Variants in GADL1 observed in about 807,000 individuals in gnomAD.
GADL1 encodes acidic amino acid decarboxylase GADL1.
Under a neutral mutation model 69.5 loss-of-function variants are expected in GADL1, and 71 were observed. The observed-to-expected ratio is 1.02, with a 90% CI of 0.84 to 1.25. The LOEUF (loss-of-function observed/expected upper bound fraction) is 1.25, where lower values mean the gene tolerates loss of function less well. Ranked by LOEUF, GADL1 falls within the 50% of genes most tolerant of loss-of-function variation. The pLI is 0.00. For missense variants in GADL1, 737 were observed against 631.8 expected (o/e 1.17, Z -1.79); for synonymous variants, 254 against 214.4 (o/e 1.18, Z -1.62).
At chr3:30,878,183 A>C (rs4290836) in intron 1 of GADL1, among the ~76,000 whole-genome samples, 26,792 of 151,886 alleles carry the variant, frequency 0.18, 3,055 homozygotes, top group East Asian at 0.46. Context: ...TCTCAGTTAA[A>C]TAATGCTCTA....
chr3:30,825,668 G>T (rs562078807), intron 11 of GADL1, among the ~76,000 whole-genome samples: 23 of 13,758 alleles, frequency 1.7e-3, no homozygotes, highest in Non-Finnish European at 1.6e-3. Flanking sequence ...AACTTGCACA[G>T]GAACAGAAAA....
chr3:30,863,291 A>G (rs1028282981), intron 1 of GADL1, among the ~76,000 whole-genome samples: 4 of 152,022 alleles, frequency 2.6e-5, no homozygotes, highest in Admixed American at 2.6e-4. Flanking sequence ...TAGAGGAAAG[A>G]AAGCAGCACA....
At chr3:30,845,834 A>C (rs535605176) in intron 6 of GADL1, among the ~76,000 whole-genome samples, 1 of 152,286 alleles carries the variant, frequency 6.6e-6, no homozygotes, top group Non-Finnish European at 1.5e-5. Flanking sequence ...GAGCTCTGGC[A>C]ACCAAACAGC....
At chr3:30,878,109 C>T (rs1698601105) in intron 1 of GADL1, among the ~76,000 whole-genome samples, 1 of 151,894 alleles carries the variant, frequency 6.6e-6, no homozygotes, top group Non-Finnish European at 1.5e-5. Flanking sequence ...AGTTTTAGCC[C>T]TGACTCTGGC....
At chr3:30,803,029 C>G (rs943239072) in intron 11 of GADL1, among the ~76,000 whole-genome samples, 4 of 152,146 alleles carry the variant, frequency 2.6e-5, no homozygotes, top group South Asian at 4.1e-4. Context: ...GAGGTCGAAG[C>G]TGCAGTGAGC....
At position 30,800,747 on chromosome 3, in the gene GADL1, T is replaced by A. The variant is rs907368873; in HGVS notation, c.1250+142A>T. Reference sequence around the variant, plus strand: ...GAAATAATGCACAAATGAAAACATGTACTTGCAACACATTTCAAGTATTAC... The same window carrying A: ...GAAATAATGCACAAATGAAAACATGAACTTGCAACACATTTCAAGTATTAC... On this transcript the variant is annotated intron_variant, in intron 12 of 14. Coordinates refer to ENST00000282538, the MANE Select transcript of GADL1 (RefSeq NM_207359.3). The A allele has an allele frequency of 1.6e-5, 11 of 679,552 alleles. No individual in the cohort carries two copies. The East Asian group carries it at 3.0e-4, about 18-fold the overall frequency. 42.1% of individuals were successfully genotyped at this position (679,552 alleles called of 1,614,324 possible). A position where few individuals can be genotyped will look rare whatever the true frequency, so the allele number is the denominator to read the frequency against.
intron 14 of GADL1, among the ~76,000 whole-genome samples, chr3:30,765,470 TTTC>T (rs1696254133): frequency 8.2e-6 from 1 of 122,480 alleles, no homozygotes; most frequent in African/African-American, 3.0e-5. Context: ...AATAAATTAT[TTTC>T]TATGCATCTA....
At chr3:30,759,911 T>C (rs1696087919) in intron 14 of GADL1, among the ~76,000 whole-genome samples, 1 of 152,130 alleles carries the variant, frequency 6.6e-6, no homozygotes, top group Non-Finnish European at 1.5e-5. Context: ...TTGTGCTCTA[T>C]GCCTCTGTCA....
intron 11 of GADL1, among the ~76,000 whole-genome samples, chr3:30,815,875 T>C (rs1697458688): frequency 6.6e-6 from 1 of 152,186 alleles, no homozygotes; most frequent in South Asian, 2.1e-4. Context: ...GTTAAAAGCA[T>C]GGATTGCGGA....
intron 1 of GADL1, among the ~76,000 whole-genome samples, chr3:30,873,136 T>G (rs1195205062): frequency 6.6e-6 from 1 of 151,966 alleles, no homozygotes; most frequent in Non-Finnish European, 1.5e-5. Context: ...CCTGAGTAAT[T>G]CTATCTTCTC....
At chr3:30,793,703 T>C (rs1696970146) in intron 12 of GADL1, among the ~76,000 whole-genome samples, 1 of 152,168 alleles carries the variant, frequency 6.6e-6, no homozygotes, top group Admixed American at 6.6e-5. Context: ...TCTGATTGGG[T>C]TATATAAATC....
intron 13 of GADL1, among the ~76,000 whole-genome samples, chr3:30,784,349 C>CT (rs1305396453): frequency 6.6e-6 from 1 of 152,068 alleles, no homozygotes; most frequent in Non-Finnish European, 1.5e-5. Flanking sequence ...ATTATCACTA[C>CT]TCCCTCTGTT....
intron 14 of GADL1, among the ~76,000 whole-genome samples, chr3:30,771,788 C>T (rs898421927): frequency 1.3e-5 from 2 of 152,132 alleles, no homozygotes; most frequent in Non-Finnish European, 2.9e-5. Context: ...CTGAAAAATA[C>T]ACAGCTTTCA....
intron 11 of GADL1, among the ~76,000 whole-genome samples, chr3:30,820,699 T>C (rs1413708787): frequency 6.6e-6 from 1 of 152,034 alleles, no homozygotes; most frequent in African/African-American, 2.4e-5. Flanking sequence ...TGTGAAGAAA[T>C]AGGAACACTT....
At chr3:30,777,410 T>C (rs1460499863) in intron 14 of GADL1, among the ~76,000 whole-genome samples, 1 of 152,206 alleles carries the variant, frequency 6.6e-6, no homozygotes, top group Non-Finnish European at 1.5e-5. Flanking sequence ...ACTTGGACTC[T>C]ACATGTCATG....
intron 1 of GADL1, among the ~76,000 whole-genome samples, chr3:30,890,411 T>TA (rs1415706215): frequency 6.6e-6 from 1 of 152,112 alleles, no homozygotes; most frequent in Non-Finnish European, 1.5e-5. Flanking sequence ...TACAAGCATG[T>TA]AAAAAAGAAT....
chr3:30,837,328 C>T (rs1697890651), intron 9 of GADL1, among the ~76,000 whole-genome samples: 1 of 151,868 alleles, frequency 6.6e-6, no homozygotes, highest in Non-Finnish European at 1.5e-5. Flanking sequence ...GATTTGACAC[C>T]CACAATACTA....
intron 1 of GADL1, among the ~76,000 whole-genome samples, chr3:30,875,937 G>T (rs115448204): frequency 6.6e-6 from 1 of 151,860 alleles, no homozygotes; most frequent in East Asian, 1.9e-4. Flanking sequence ...AATTGGACAC[G>T]CCTGGATTAC....
chr3:30,753,673 T>G (rs916757229), intron 14 of GADL1, among the ~76,000 whole-genome samples: 11 of 152,326 alleles, frequency 7.2e-5, no homozygotes, highest in African/African-American at 2.6e-4. Flanking sequence ...AGAATCCCAG[T>G]TCATATTTAG....
Sources: allele counts gnomAD v4.1 joint callset (sites outside exome capture counted in the v4.1 genomes callset), GRCh38; gene constraint gnomAD v4.1.1; transcripts MANE v1.5; gene names NCBI Gene and HGNC (gene_info 2026-07-23, HGNC 2026-07-21).